Variants in PLCH1 observed in about 807,000 individuals in gnomAD.
The protein encoded by PLCH1 is 1-phosphatidylinositol 4,5-bisphosphate phosphodiesterase eta-1.
Under a neutral mutation model 126.7 loss-of-function variants are expected in PLCH1, and 60 were observed. The observed-to-expected ratio is 0.47, with a 90% confidence interval of 0.38 to 0.59. PLCH1 has a LOEUF of 0.59. Ranked by LOEUF, PLCH1 falls within the 20% of genes least tolerant of loss-of-function variation. The pLI, the probability that PLCH1 is intolerant of heterozygous loss-of-function variation, is 0.00. For missense variants in PLCH1, 1,723 were observed against 2,040.0 expected (o/e 0.84, Z 2.99); for synonymous variants, 719 against 734.9 (o/e 0.98, Z 0.35).
At chr3:155,545,966 GA>G in intron 10 of PLCH1, among the ~76,000 whole-genome samples, 1 of 151,780 alleles carries the variant, frequency 6.6e-6, no homozygotes, top group East Asian at 1.9e-4. Context: ...CATTCCCTTT[GA>G]AAACTGGCAC....
intron 10 of PLCH1, among the ~76,000 whole-genome samples, chr3:155,541,951 G>A (rs1724308381): frequency 6.6e-6 from 1 of 152,206 alleles, no homozygotes; most frequent in South Asian, 2.1e-4. Flanking sequence ...CTCCCAGCAT[G>A]AGCAACGCAG....
intron 6 of PLCH1, among the ~76,000 whole-genome samples, chr3:155,580,918 G>A (rs540150395): frequency 1.3e-5 from 2 of 152,060 alleles, no homozygotes; most frequent in Non-Finnish European, 2.9e-5. Flanking sequence ...TCTGAGGGTA[G>A]GTTTTGTCCA....
chr3:155,564,812 G>T, intron 8 of PLCH1, 103 bp downstream of exon 8: 1 of 702,600 alleles, frequency 1.4e-6, no homozygotes, highest in Non-Finnish European at 2.6e-6. Flanking sequence ...ACTAATTAGT[G>T]TGAGAGTGTG....
intron 1 of PLCH1, among the ~76,000 whole-genome samples, chr3:155,740,412 A>T (rs1749532723): frequency 6.6e-6 from 1 of 151,520 alleles, no homozygotes; most frequent in Non-Finnish European, 1.5e-5. Context: ...GTCTCAAAAA[A>T]AAAAAAAAAA....
At chr3:155,667,669 T>C (rs2108967424) in intron 2 of PLCH1, among the ~76,000 whole-genome samples, 1 of 152,234 alleles carries the variant, frequency 6.6e-6, no homozygotes, top group African/African-American at 2.4e-5. Flanking sequence ...AACCTGCTGT[T>C]AAAGGAACAC....
intron 8 of PLCH1, among the ~76,000 whole-genome samples, chr3:155,560,639 T>C (rs920232628): frequency 7.2e-5 from 11 of 152,140 alleles, no homozygotes; most frequent in Admixed American, 1.3e-4. Context: ...TAGCAGAAAA[T>C]TCAAGCTAGA....
intron 2 of PLCH1, among the ~76,000 whole-genome samples, chr3:155,668,041 C>T (rs1253901609): frequency 6.9e-6 from 1 of 144,138 alleles, no homozygotes; most frequent in Non-Finnish European, 1.5e-5. Flanking sequence ...GCCAAGTTTG[C>T]ACCACTGCAC....
At chr3:155,614,029 T>C (rs922641273) in intron 2 of PLCH1, among the ~76,000 whole-genome samples, 1 of 152,066 alleles carries the variant, frequency 6.6e-6, no homozygotes, top group African/African-American at 2.4e-5. Context: ...ATCAAATCAA[T>C]AACTCAACCC....
At chr3:155,477,570 C>A (rs1478255702), downstream of PLCH1, among the ~76,000 whole-genome samples, 2 of 151,850 alleles carry the variant, frequency 1.3e-5, no homozygotes, top group African/African-American at 4.8e-5. Context: ...ATAATCTGAT[C>A]AAAAAATGGG....
intron 2 of PLCH1, among the ~76,000 whole-genome samples, chr3:155,700,333 G>A (rs1746179556): frequency 6.6e-6 from 1 of 152,060 alleles, no homozygotes; most frequent in Non-Finnish European, 1.5e-5. Flanking sequence ...TAGTTCTGAG[G>A]CAAAGTAAAA....
intron 1 of PLCH1, among the ~76,000 whole-genome samples, chr3:155,728,763 A>T (rs1416434603): frequency 6.6e-6 from 1 of 152,182 alleles, no homozygotes; most frequent in Non-Finnish European, 1.5e-5. Flanking sequence ...TTATAGATAT[A>T]TATGCCTTCA....
downstream of PLCH1, among the ~76,000 whole-genome samples, chr3:155,477,029 C>T (rs57502066): frequency 0.012 from 1,812 of 152,190 alleles, 37 homozygotes; most frequent in African/African-American, 0.042. Flanking sequence ...ACCAAAACAG[C>T]ATGGTACTGG....
intron 2 of PLCH1, among the ~76,000 whole-genome samples, chr3:155,633,989 T>C (rs1207435204): frequency 6.6e-6 from 1 of 152,154 alleles, no homozygotes; most frequent in Admixed American, 6.6e-5. Flanking sequence ...AAAGGTATTA[T>C]AGGCTGCAAT....
At chr3:155,730,012 A>C (rs1314441735) in intron 1 of PLCH1, among the ~76,000 whole-genome samples, 1 of 152,192 alleles carries the variant, frequency 6.6e-6, no homozygotes, top group Non-Finnish European at 1.5e-5. Context: ...TAATAGTCAT[A>C]ATAAAAATTA....
Position 155,482,121 on chromosome 3 carries a change from G to A in PLCH1, c.3905C>T (p.Thr1302Ile). The A allele has an allele frequency of 1.9e-6, 3 of 1,614,144 alleles. No homozygotes were observed. In the South Asian group the frequency reaches 3.3e-5, roughly 18 times the overall value. Residue 1302 changes from threonine (T) to isoleucine (I), a missense_variant, in exon 23 of 23, where the codon ACT becomes ATT. This residue lies in a region of PLCH1 where 947 missense variants were observed against 977.1 expected (regional missense o/e 0.97). Transcript: ENST00000460012. ...ACTTTTTGGTAACCAGCCACGAGAA[G>A]TATTAGGGGATCCAGGCAGGTTGCT... ...LESNLPGSPN[T>I]SRGWLPKSPT...
At chr3:155,555,420 T>G (rs1726696858) in intron 8 of PLCH1, among the ~76,000 whole-genome samples, 2 of 152,228 alleles carry the variant, frequency 1.3e-5, no homozygotes, top group African/African-American at 2.4e-5. Context: ...CTGCTGTGAC[T>G]TTAGAAGTGG....
chr3:155,611,345 A>G (rs766151121), intron 2 of PLCH1, among the ~76,000 whole-genome samples: 2 of 152,070 alleles, frequency 1.3e-5, no homozygotes, highest in Non-Finnish European at 2.9e-5. Context: ...AGCCGAGATC[A>G]GGCCACTGCG....
At chr3:155,674,204 A>G (rs565276716) in intron 2 of PLCH1, among the ~76,000 whole-genome samples, 3 of 152,204 alleles carry the variant, frequency 2.0e-5, no homozygotes, top group African/African-American at 2.4e-5. Flanking sequence ...AATCACTAAG[A>G]TGAGCTTTAG....
chr3:155,689,562 T>A (rs190872879), intron 2 of PLCH1, among the ~76,000 whole-genome samples: 1 of 152,156 alleles, frequency 6.6e-6, no homozygotes, highest in East Asian at 1.9e-4. Context: ...CAGAATTCTA[T>A]CAGATATACT....
Sources: gnomAD v4.1 joint callset for allele counts (sites outside exome capture counted in the v4.1 genomes callset) on GRCh38, gnomAD v4.1.1 for gene constraint, gnomAD v4.1.1 regional missense constraint, MANE v1.5 for transcripts, NCBI Gene and HGNC (gene_info 2026-07-23, HGNC 2026-07-21) for gene names.